The following MAN2B2 variants were observed in gnomAD, a reference collection of about 807,000 sequenced individuals.
The protein encoded by MAN2B2 is mannosidase alpha class 2B member 2.
A neutral mutation model predicts 117.1 loss-of-function variants in MAN2B2; 106 were observed. That is an observed-to-expected ratio of 0.90 (90% CI 0.77 to 1.06). The LOEUF is 1.06. Among genes scored for constraint, MAN2B2 ranks in the 50% least tolerant of loss-of-function variants. The pLI, the probability that MAN2B2 is intolerant of heterozygous loss-of-function variation, is 0.00. For synonymous variants in MAN2B2, 544 were observed against 595.1 expected, an observed-to-expected ratio of 0.91 and a Z score of 1.25; for missense variants, 1,326 against 1,381.4, an observed-to-expected ratio of 0.96 and a Z score of 0.64.
rs28503571 is a variant in MAN2B2 at position 6,594,671 on chromosome 4, G to T, written c.996G>T (p.Leu332=). Residue 332 remains leucine (L), a synonymous_variant, in exon 7 of 19, where the codon CTG becomes CTT. Transcript: ENST00000285599. The part of the protein sequence containing the change: ...YATLGDYFRA[L]HALNVTWRVR... Reference sequence around the variant, plus strand: ...CGCTGGGCGACTACTTCCGTGCCCTGCACGCTCTCAATGTCACCTGGCGTG... The same window carrying T: ...CGCTGGGCGACTACTTCCGTGCCCTTCACGCTCTCAATGTCACCTGGCGTG... 6.2e-7 allele frequency: 1 copy of T among 1,613,346 alleles called. No homozygotes were observed. The highest frequency in any genetic ancestry group is 2.2e-5 in the East Asian group (1 of 44,890).
intron 3 of MAN2B2, among the ~76,000 whole-genome samples, chr4:6,579,132 C>T (rs868546153): frequency 7.8e-4 from 34 of 43,814 alleles, no homozygotes; most frequent in East Asian, 3.9e-3. Context: ...ACTACCACCA[C>T]CACCACCATC....
chr4:6,582,791 T>C (rs1726486319), intron 3 of MAN2B2, among the ~76,000 whole-genome samples: 1 of 151,880 alleles, frequency 6.6e-6, no homozygotes, highest in Non-Finnish European at 1.5e-5. Context: ...ATGGCATTTA[T>C]TCCCACCACC....
chr4:6,575,968 C>A (rs1333164067), intron 1 of MAN2B2, among the ~76,000 whole-genome samples: 1 of 152,178 alleles, frequency 6.6e-6, no homozygotes, highest in Non-Finnish European at 1.5e-5. Flanking sequence ...AACCCTCATG[C>A]CTCCTGACTC....
Position 6,605,279 on chromosome 4 carries a change from C to T in MAN2B2, c.1764C>T (p.Tyr588=), listed in dbSNP as rs1560655609. ...TGGTGCCTGTGGCAAACGACTGCTA[C>T]ATTGTGCTGCTCGACCAGGATACCA... ...RYLVPVANDC[Y]IVLLDQDTNL... is the part of the protein sequence containing the mutation. The change falls in exon 11 of 19, where the codon TAC becomes TAT. Residue 588 remains tyrosine, a synonymous_variant. Coordinates refer to ENST00000285599, the MANE Select transcript of MAN2B2 (RefSeq NM_015274.3). 1.2e-6 allele frequency: 2 copies of T among 1,614,100 alleles called. No homozygotes were observed. Among genetic ancestry groups the T allele is most frequent in the Non-Finnish European group, 1.7e-6 (2 of 1,179,964 alleles).
In MAN2B2 at chr4:6,594,994, G is replaced by A. The variant is rs140427986; in HGVS notation, c.1057+262G>A. Among the ~76,000 whole-genome samples the A allele has an allele frequency of 1.1e-4, 16 of 152,330 alleles. No homozygotes were observed. The East Asian group carries it at 2.9e-3, about 28-fold the overall frequency. On this transcript the variant is annotated intron_variant, in intron 7 of 18. Coordinates refer to ENST00000285599, the MANE Select transcript of MAN2B2 (RefSeq NM_015274.3). Reference sequence around the variant, plus strand: ...CACCACATGCAGTTTCCTGCCTCTGGCCTTTGCACAGGTGGTGCCTCCTGC... The same window carrying A: ...CACCACATGCAGTTTCCTGCCTCTGACCTTTGCACAGGTGGTGCCTCCTGC...
chr4:6,603,620 GC>G lies in MAN2B2; in HGVS notation c.1540-1431del, dbSNP rs534994672. On this transcript the variant is annotated intron_variant, in intron 10 of 18. Transcript: ENST00000285599. Reference sequence around the variant, plus strand: ...TTTCTGGAGCTCCTACTGTCTGTCAGCCCCTGTTCTAGGCGCTGGGGATGGT... The same window carrying G: ...TTTCTGGAGCTCCTACTGTCTGTCAGCCCTGTTCTAGGCGCTGGGGATGGT... Among the ~76,000 whole-genome samples the G allele has an allele frequency of 3.4e-3, 522 of 152,296 alleles. 5 individuals are homozygous for G. Among genetic ancestry groups the G allele is most frequent in the African/African-American group, 0.012 (511 of 41,558 alleles).
chr4:6,609,063 T>C, intron 11 of MAN2B2, 44 bp from the exon 12 acceptor site: 1 of 1,568,960 alleles, frequency 6.4e-7, no homozygotes, highest in African/African-American at 1.3e-5. Context: ...CTGTAAGACC[T>C]TGTGCAGGAT....
intron 11 of MAN2B2, among the ~76,000 whole-genome samples, chr4:6,608,522 T>C (rs1727634194): frequency 6.6e-6 from 1 of 152,220 alleles, no homozygotes; most frequent in African/African-American, 2.4e-5. Context: ...AACATCCTAA[T>C]AGAAGGGAGG....
At position 6,610,920 on chromosome 4, in the gene MAN2B2, G is replaced by A; in HGVS notation, c.2300G>A (p.Gly767Asp). 2 of 1,614,206 alleles carry A rather than the reference G, an allele frequency of 1.2e-6. No homozygotes were observed. Among genetic ancestry groups the A allele is most frequent in the South Asian group, 1.1e-5 (1 of 91,088 alleles). ...GTTCAGTCGGCCTTCATGGAGGATGGCAAAAGCAGGCTTGTGTTGCTGTCG... is the reference window on the plus strand; with the variant it reads ...GTTCAGTCGGCCTTCATGGAGGATGACAAAAGCAGGCTTGTGTTGCTGTCG... The part of the protein sequence containing the change: ...PMVQSAFMED[G>D]KSRLVLLSER... Residue 767 changes from glycine (G) to aspartate (D), a missense_variant, in exon 14 of 19, where the codon GGC becomes GAC. Gly to Asp is a moderately conservative substitution (Grantham distance 94, BLOSUM62 -1). Transcript: ENST00000285599.
rs754581970 is a variant in MAN2B2, at chr4:6,621,507, G to A, written c.*222G>A. The stretch of plus-strand genomic sequence containing the variant: ...GTTCTTCCCCCCCACACTCAATCAA[G>A]CCAGCCCTCTCCTCTTCTGTCACGT... On this transcript the variant is annotated 3_prime_UTR_variant, in exon 19 of 19. Coordinates refer to ENST00000285599, the MANE Select transcript of MAN2B2 (RefSeq NM_015274.3). The A allele has an allele frequency of 7.7e-6, 4 of 519,046 alleles. No homozygotes were observed. The highest frequency in any genetic ancestry group is 1.9e-5 in the African/African-American group (1 of 52,106). 32.2% of individuals were successfully genotyped at this position (519,046 alleles called of 1,614,324 possible).
chr4:6,615,906 C>G (rs1384156820), intron 16 of MAN2B2, among the ~76,000 whole-genome samples: 1 of 151,948 alleles, frequency 6.6e-6, no homozygotes, highest in Non-Finnish European at 1.5e-5. Flanking sequence ...CAGGTTCAAG[C>G]AATTCTCCTA....
intron 7 of MAN2B2, among the ~76,000 whole-genome samples, chr4:6,596,630 C>T (rs1727100619): frequency 6.6e-6 from 1 of 152,132 alleles, no homozygotes; most frequent in Admixed American, 6.5e-5. Context: ...TCCCTGGACG[C>T]CCAGAGAATC....
chr4:6,610,286 A>G (rs1391360582), intron 13 of MAN2B2, among the ~76,000 whole-genome samples: 1 of 152,072 alleles, frequency 6.6e-6, no homozygotes, highest in Non-Finnish European at 1.5e-5. Context: ...CCTCCCGAGT[A>G]GCTGGGATTA....
At chr4:6,576,184 G>A (rs1263487435) in intron 1 of MAN2B2, among the ~76,000 whole-genome samples, 1 of 152,170 alleles carries the variant, frequency 6.6e-6, no homozygotes, top group African/African-American at 2.4e-5. Flanking sequence ...AGGCCCCTTT[G>A]GGGTCACTGG....
intron 1 of MAN2B2, among the ~76,000 whole-genome samples, chr4:6,575,656 G>C (rs1404458452): frequency 1.3e-5 from 2 of 152,240 alleles, no homozygotes; most frequent in African/African-American, 4.8e-5. Context: ...GCAGGAGAGG[G>C]TGGGGCTGGC....
intron 11 of MAN2B2, among the ~76,000 whole-genome samples, chr4:6,608,048 T>C (rs1727618698): frequency 6.6e-6 from 1 of 152,262 alleles, no homozygotes; most frequent in Non-Finnish European, 1.5e-5. Context: ...GAGATGTGTC[T>C]TTAGATCCTT....
At chr4:6,598,097 G>A in intron 8 of MAN2B2, 101 bp from the exon 9 acceptor site, 1 of 1,363,050 alleles carries the variant, frequency 7.3e-7, no homozygotes, top group Non-Finnish European at 1.0e-6. Context: ...ACTGGCACCT[G>A]GCAAGCCAGA....
At chr4:6,578,563 C>T in intron 3 of MAN2B2, 65 bp downstream of exon 3, 1 of 1,348,062 alleles carries the variant, frequency 7.4e-7, no homozygotes, top group Non-Finnish European at 1.0e-6. Context: ...GACATGGTAT[C>T]AGAACCCCCA....
intron 18 of MAN2B2, chr4:6,620,912 T>C (rs1712140360): frequency 2.3e-6 from 1 of 431,578 alleles, no homozygotes; most frequent in Non-Finnish European, 4.2e-6. Flanking sequence ...AACCTATGAA[T>C]TGCCCTCAGG....
Sources: gnomAD v4.1 joint callset for allele counts (sites outside exome capture counted in the v4.1 genomes callset) on GRCh38, gnomAD v4.1.1 for gene constraint, MANE v1.5 for transcripts, NCBI Gene and HGNC (gene_info 2026-07-23, HGNC 2026-07-21) for gene names.